AFF2: variants seen among roughly 807,000 people sequenced by gnomAD.
AFF2 encodes the protein AF4/FMR2 family member 2.
Under a neutral mutation model 76.9 loss-of-function variants are expected in AFF2, and 14 were observed. That is an observed-to-expected ratio of 0.18 (90% confidence interval 0.12 to 0.28). The LOEUF is 0.28. Ranked by LOEUF, AFF2 falls within the 10% of genes least tolerant of loss-of-function variation. AFF2 has a pLI of 1.00. For missense variants in AFF2, 868 were observed against 1,001.1 expected, an observed-to-expected ratio of 0.87 and a Z score of 1.79; for synonymous variants, 398 against 366.7, an observed-to-expected ratio of 1.09 and a Z score of -0.98.
intron 9 of AFF2, among the ~76,000 whole-genome samples, chrX:148,914,588 A>G (rs1202407915): frequency 1.8e-5 from 2 of 112,162 alleles, no homozygotes; most frequent in Non-Finnish European, 3.8e-5. Flanking sequence ...CTTTCTGATT[A>G]TATCTAGCTA....
At chrX:148,652,258 A>G (rs892865937) in intron 2 of AFF2, 127 bp downstream of exon 2, 2 of 521,107 alleles carry the variant, frequency 3.8e-6, no homozygotes, top group Non-Finnish European at 6.2e-6. Flanking sequence ...TGAAATTTGT[A>G]CATACACTGT....
chrX:148,854,930 T>C (rs2070770726), intron 7 of AFF2, among the ~76,000 whole-genome samples: 1 of 111,763 alleles, frequency 8.9e-6, no homozygotes, highest in South Asian at 3.8e-4. Flanking sequence ...AAAAGGATTT[T>C]GATTTGTGCT....
intron 16 of AFF2, among the ~76,000 whole-genome samples, chrX:148,976,638 T>G (rs1439763561): frequency 9.0e-6 from 1 of 111,565 alleles, no homozygotes; most frequent in Non-Finnish European, 1.9e-5. Flanking sequence ...GAAGAAATTT[T>G]TATTACTCTC....
At chrX:148,693,395 G>T (rs1166126027) in intron 3 of AFF2, among the ~76,000 whole-genome samples, 1 of 112,023 alleles carries the variant, frequency 8.9e-6, no homozygotes, top group East Asian at 2.8e-4. Context: ...TAGTGTTTCT[G>T]CTCAGAAAGA....
intron 3 of AFF2, among the ~76,000 whole-genome samples, chrX:148,750,354 G>A (rs1219830076): frequency 2.7e-5 from 3 of 111,231 alleles, no homozygotes; most frequent in Non-Finnish European, 5.7e-5. Context: ...TTTCTGGGGG[G>A]AATAGCATTT....
At chrX:148,659,860 C>A (rs2054287715) in intron 2 of AFF2, among the ~76,000 whole-genome samples, 1 of 111,948 alleles carries the variant, frequency 8.9e-6, no homozygotes, top group South Asian at 3.7e-4. Flanking sequence ...AAATGACAAA[C>A]CTAGAGACTT....
At chrX:148,681,019 T>C (rs782543822) in intron 3 of AFF2, among the ~76,000 whole-genome samples, 23 of 111,636 alleles carry the variant, frequency 2.1e-4, no homozygotes, top group Non-Finnish European at 3.6e-4. Context: ...TCCAAGGGAA[T>C]CCATATACCC....
At chrX:148,790,501 T>C (rs949762480) in intron 3 of AFF2, among the ~76,000 whole-genome samples, 21 of 111,816 alleles carry the variant, frequency 1.9e-4, no homozygotes, top group African/African-American at 6.5e-4. Flanking sequence ...TGGAATACTA[T>C]GTAGCCATAA....
intron 15 of AFF2, among the ~76,000 whole-genome samples, chrX:148,968,719 T>C (rs1031354703): frequency 2.7e-5 from 3 of 111,997 alleles, no homozygotes; most frequent in Non-Finnish European, 3.8e-5. Flanking sequence ...TGGTACAAAT[T>C]GCTTCGTGTC....
At chrX:148,633,909 G>A (rs1891062572) in intron 1 of AFF2, among the ~76,000 whole-genome samples, 1 of 111,845 alleles carries the variant, frequency 8.9e-6, no homozygotes, top group South Asian at 3.7e-4. Flanking sequence ...CCATGAAAAA[G>A]TGAACTAAGA....
At chrX:148,731,613 A>G (rs886333810) in intron 3 of AFF2, among the ~76,000 whole-genome samples, 3 of 111,094 alleles carry the variant, frequency 2.7e-5, no homozygotes, top group Non-Finnish European at 5.7e-5. Flanking sequence ...CAGCAAAAGA[A>G]ACTACCCTCA....
chrX:148,702,598 G>GC (rs1557261972), intron 3 of AFF2, among the ~76,000 whole-genome samples: 1 of 111,707 alleles, frequency 9.0e-6, no homozygotes, highest in Non-Finnish European at 1.9e-5. Context: ...CCATGAAAAA[G>GC]CCCTTCCAGA....
intron 3 of AFF2, among the ~76,000 whole-genome samples, chrX:148,783,372 A>C (rs1183125585): frequency 6.3e-5 from 7 of 110,982 alleles, no homozygotes; most frequent in Non-Finnish European, 1.3e-4. Context: ...TATTTTTTTG[A>C]TGTTATTTGT....
At chrX:148,858,722 A>T (rs1284853101) in intron 7 of AFF2, among the ~76,000 whole-genome samples, 2 of 111,396 alleles carry the variant, frequency 1.8e-5, no homozygotes, top group Non-Finnish European at 3.8e-5. Flanking sequence ...CAACAGTTAT[A>T]TGGATTTACA....
chrX:148,664,780 G>T (rs1381473852), intron 3 of AFF2, among the ~76,000 whole-genome samples: 2 of 112,359 alleles, frequency 1.8e-5, no homozygotes, highest in Non-Finnish European at 1.9e-5. Context: ...AAGCCACAAT[G>T]TTAATCAAAT....
At chrX:148,901,474 T>C (rs182998136) in intron 8 of AFF2, among the ~76,000 whole-genome samples, 30 of 112,232 alleles carry the variant, frequency 2.7e-4, no homozygotes, top group African/African-American at 9.7e-4. Context: ...CTTTAATGTA[T>C]GTTTTTAAAT....
chrX:148,537,883 C>T (rs1872843195), intron 1 of AFF2, among the ~76,000 whole-genome samples: 1 of 112,233 alleles, frequency 8.9e-6, no homozygotes, highest in South Asian at 3.7e-4. Flanking sequence ...CAAGATTAAA[C>T]GATTCTCCCA....
chrX:148,681,626 AAAG>A (rs2054550130), intron 3 of AFF2, among the ~76,000 whole-genome samples: 5 of 107,954 alleles, frequency 4.6e-5, no homozygotes, highest in Admixed American at 2.0e-4. Context: ...AGAAAGAAAG[AAAG>A]AAAGAGAAGA....
At chrX:148,572,894 A>T (rs1357275905) in intron 1 of AFF2, among the ~76,000 whole-genome samples, 3 of 111,080 alleles carry the variant, frequency 2.7e-5, no homozygotes, top group South Asian at 7.5e-4. Context: ...GAAATGGTAA[A>T]TTGTATTATC....
Sources: gnomAD v4.1 joint callset for allele counts (sites outside exome capture counted in the v4.1 genomes callset) on GRCh38, gnomAD v4.1.1 for gene constraint, MANE v1.5 for transcripts, NCBI Gene and HGNC (gene_info 2026-07-23, HGNC 2026-07-21) for gene names.